Variants in KCNH7 observed in about 807,000 individuals in gnomAD.
KCNH7 encodes potassium voltage-gated channel subfamily H member 7.
A neutral mutation model predicts 120.8 loss-of-function variants in KCNH7; 49 were observed. The observed-to-expected ratio is 0.41, with a 90% CI of 0.32 to 0.51. The LOEUF is 0.51. Ranked by LOEUF, KCNH7 falls within the 20% of genes least tolerant of loss-of-function variation. KCNH7 has a pLI of 0.38. For synonymous variants in KCNH7, 547 were observed against 516.1 expected (o/e 1.06, Z -0.81); for missense variants, 1,097 against 1,446.6 (o/e 0.76, Z 3.92).
intron 2 of KCNH7, among the ~76,000 whole-genome samples, chr2:162,747,651 C>T (rs1374756912): frequency 6.6e-6 from 1 of 152,038 alleles, no homozygotes; most frequent in Non-Finnish European, 1.5e-5. Context: ...AATCACTCTA[C>T]CAGATAAATT....
chr2:162,742,835 A>G (rs567491454), intron 2 of KCNH7, among the ~76,000 whole-genome samples: 27 of 152,356 alleles, frequency 1.8e-4, no homozygotes, highest in Admixed American at 5.9e-4. Context: ...AATTAGAGAC[A>G]TGCTCCAATT....
intron 6 of KCNH7, among the ~76,000 whole-genome samples, chr2:162,448,856 TG>T (rs1158439017): frequency 6.6e-6 from 1 of 151,924 alleles, no homozygotes; most frequent in Non-Finnish European, 1.5e-5. Flanking sequence ...GACAGATGTG[TG>T]GGAAAATGGG....
At chr2:162,691,567 G>A (rs1234461781) in intron 2 of KCNH7, among the ~76,000 whole-genome samples, 2 of 152,034 alleles carry the variant, frequency 1.3e-5, no homozygotes, top group African/African-American at 4.8e-5. Context: ...CAATTTTATA[G>A]CTGTGGTCAG....
intron 2 of KCNH7, among the ~76,000 whole-genome samples, chr2:162,617,872 A>G (rs1040990777): frequency 6.6e-6 from 1 of 152,054 alleles, no homozygotes; most frequent in Non-Finnish European, 1.5e-5. Flanking sequence ...CATTTAGAAT[A>G]TTTTTTTCTA....
At chr2:162,501,713 T>C (rs1690692975) in intron 6 of KCNH7, among the ~76,000 whole-genome samples, 1 of 151,874 alleles carries the variant, frequency 6.6e-6, no homozygotes, top group African/African-American at 2.4e-5. Flanking sequence ...GCCAAAGAGC[T>C]CTCTGGGGCC....
At chr2:162,753,029 A>AGAAAAGAAAAGAAAAGAAAAG (rs1688655610) in intron 2 of KCNH7, among the ~76,000 whole-genome samples, 1 of 139,772 alleles carries the variant, frequency 7.2e-6, no homozygotes, top group Non-Finnish European at 1.5e-5. Context: ...AAAAGAAAAG[A>AGAAAAGAAAAGAAAAGAAAAG]AACCCTGACT....
At chr2:162,704,477 T>A (rs1686624143) in intron 2 of KCNH7, among the ~76,000 whole-genome samples, 1 of 152,230 alleles carries the variant, frequency 6.6e-6, no homozygotes, top group Admixed American at 6.5e-5. Flanking sequence ...AATTACAGCA[T>A]CTGTTTTATG....
At chr2:162,664,128 C>G (rs1168789406) in intron 2 of KCNH7, among the ~76,000 whole-genome samples, 1 of 152,168 alleles carries the variant, frequency 6.6e-6, no homozygotes, top group Admixed American at 6.5e-5. Flanking sequence ...TCCCCCTCCT[C>G]TTTCTGCCAA....
chr2:162,595,880 A>T (rs1694363010), intron 2 of KCNH7, among the ~76,000 whole-genome samples: 1 of 152,070 alleles, frequency 6.6e-6, no homozygotes, highest in Admixed American at 6.6e-5. Context: ...ACGGGTTACA[A>T]AATCAATAAA....
intron 2 of KCNH7, among the ~76,000 whole-genome samples, chr2:162,592,397 C>T (rs1256064094): frequency 1.3e-5 from 2 of 151,978 alleles, no homozygotes; most frequent in Non-Finnish European, 2.9e-5. Context: ...AGTTCCCAGA[C>T]GTGTATGGGG....
intron 2 of KCNH7, among the ~76,000 whole-genome samples, chr2:162,720,587 T>C (rs1481211145): frequency 6.6e-6 from 1 of 152,120 alleles, no homozygotes; most frequent in Non-Finnish European, 1.5e-5. Context: ...AATAACAATA[T>C]ATACAATACT....
chr2:162,716,328 G>A (rs997914923), intron 2 of KCNH7, among the ~76,000 whole-genome samples: 2 of 152,070 alleles, frequency 1.3e-5, no homozygotes, highest in African/African-American at 2.4e-5. Flanking sequence ...TCACGTGATT[G>A]TTATTTATTC....
At chr2:162,404,752 T>C (rs1168477349) in intron 9 of KCNH7, among the ~76,000 whole-genome samples, 9 of 151,960 alleles carry the variant, frequency 5.9e-5, no homozygotes, top group Admixed American at 1.3e-4. Context: ...TATTTATAAA[T>C]TACCCAGTCT....
intron 2 of KCNH7, among the ~76,000 whole-genome samples, chr2:162,590,469 T>G (rs1280244843): frequency 1.3e-5 from 2 of 152,156 alleles, no homozygotes; most frequent in African/African-American, 4.8e-5. Context: ...GGCATCTTGA[T>G]GGATCATACC....
At chr2:162,800,057 T>C (rs956108436) in intron 2 of KCNH7, among the ~76,000 whole-genome samples, 3 of 151,690 alleles carry the variant, frequency 2.0e-5, no homozygotes, top group African/African-American at 4.8e-5. Flanking sequence ...TTTTATAAGA[T>C]AAAAGATTTC....
intron 2 of KCNH7, among the ~76,000 whole-genome samples, chr2:162,662,437 T>A (rs1684996136): frequency 6.6e-6 from 1 of 152,220 alleles, no homozygotes; most frequent in South Asian, 2.1e-4. Context: ...TAAGCTTGTT[T>A]TAGGCAAAGC....
At chr2:162,372,742 T>A (rs892201869) in intron 15 of KCNH7, among the ~76,000 whole-genome samples, 8 of 152,160 alleles carry the variant, frequency 5.3e-5, no homozygotes, top group African/African-American at 1.9e-4. Context: ...TTTATTTAAA[T>A]CATTGTTCTT....
chr2:162,792,721 T>TC (rs397870619), intron 2 of KCNH7, among the ~76,000 whole-genome samples: 2 of 150,374 alleles, frequency 1.3e-5, no homozygotes, highest in African/African-American at 2.4e-5. Context: ...TTTTTTTTTT[T>TC]CAAAAAAAAC....
intron 6 of KCNH7, among the ~76,000 whole-genome samples, chr2:162,494,889 T>C (rs2105726851): frequency 6.6e-6 from 1 of 152,280 alleles, no homozygotes; most frequent in South Asian, 2.1e-4. Flanking sequence ...ACTGAACTAA[T>C]AGAAAACTGA....
Sources: allele counts gnomAD v4.1 joint callset (sites outside exome capture counted in the v4.1 genomes callset), GRCh38; gene constraint gnomAD v4.1.1; transcripts MANE v1.5; gene names NCBI Gene and HGNC (gene_info 2026-07-23, HGNC 2026-07-21).